Variants in FAM185A observed in about 807,000 individuals in gnomAD.
FAM185A encodes the protein protein FAM185A.
In FAM185A, 21 loss-of-function variants were observed where a neutral mutation model predicts 45.7. That is an observed-to-expected ratio of 0.46 (90% CI 0.33 to 0.66). The LOEUF (loss-of-function observed/expected upper bound fraction) is 0.66. Among genes scored for constraint, FAM185A ranks in the 30% least tolerant of loss-of-function variants. The pLI is 0.03. For synonymous variants in FAM185A, 117 were observed against 194.0 expected, an observed-to-expected ratio of 0.60 and a Z score of 3.30; for missense variants, 305 against 485.4, an observed-to-expected ratio of 0.63 and a Z score of 3.49.
chr7:102,834,102 G>GGAAGGAAGGA, the FAM185A span, among the ~76,000 whole-genome samples: 2 of 102,036 alleles, frequency 2.0e-5, no homozygotes, highest in Non-Finnish European at 1.9e-5. Flanking sequence ...AAGAAAGAAA[G>GGAAGGAAGGA]AAAGAAAGAA....
At chr7:102,845,240 C>T in the FAM185A span, among the ~76,000 whole-genome samples, 1 of 152,110 alleles carries the variant, frequency 6.6e-6, no homozygotes, top group African/African-American at 2.4e-5. Context: ...CAAGAACTCA[C>T]CAAGAGTCAC....
At chr7:102,752,639 T>C (rs1245329912) in intron 2 of FAM185A, among the ~76,000 whole-genome samples, 1 of 151,574 alleles carries the variant, frequency 6.6e-6, no homozygotes, top group East Asian at 1.9e-4. Flanking sequence ...TTGCCCAGGC[T>C]GGTCTTGCAC....
At chr7:102,811,211 CTA>C (rs61529497), downstream of FAM185A, among the ~76,000 whole-genome samples, 2,409 of 152,252 alleles carry the variant, frequency 0.016, 55 homozygotes, top group African/African-American at 0.055. Flanking sequence ...CAGCAGTCAA[CTA>C]TATTTAAAGC....
chr7:102,836,954 A>C, the FAM185A span, among the ~76,000 whole-genome samples: 1 of 152,220 alleles, frequency 6.6e-6, no homozygotes, highest in African/African-American at 2.4e-5. Context: ...AAAGTTGGGG[A>C]GTTTTTCCCT....
At chr7:102,761,459 A>G in intron 4 of FAM185A, 48 bp downstream of exon 4, 2 of 1,386,086 alleles carry the variant, frequency 1.4e-6, no homozygotes, top group South Asian at 1.8e-5. Flanking sequence ...ACATAGCATA[A>G]ATTTTAAGAG....
At chr7:102,845,302 G>A in the FAM185A span, among the ~76,000 whole-genome samples, 1 of 152,152 alleles carries the variant, frequency 6.6e-6, no homozygotes, top group South Asian at 2.1e-4. Context: ...TAGGAGTTCT[G>A]CATCAGGAAC....
At chr7:102,817,068 T>TA in the FAM185A span, among the ~76,000 whole-genome samples, 1 of 152,228 alleles carries the variant, frequency 6.6e-6, no homozygotes, top group East Asian at 1.9e-4. Context: ...GCAATAAACA[T>TA]ACAACTGCAG....
chr7:102,814,596 T>C, the FAM185A span, among the ~76,000 whole-genome samples: 1 of 152,224 alleles, frequency 6.6e-6, no homozygotes, highest in Non-Finnish European at 1.5e-5. Context: ...TCTAAGCACA[T>C]TGCTTTTTAG....
the FAM185A span, among the ~76,000 whole-genome samples, chr7:102,834,102 GAAAGAA>G: frequency 2.0e-5 from 2 of 101,992 alleles, no homozygotes; most frequent in Non-Finnish European, 1.9e-5. Flanking sequence ...AAGAAAGAAA[GAAAGAA>G]AGAAAGAAAG....
chr7:102,800,691 AAAAAG>A (rs1305963419), intron 7 of FAM185A, among the ~76,000 whole-genome samples: 2 of 152,134 alleles, frequency 1.3e-5, no homozygotes. Context: ...CCAACAAAGA[AAAAAG>A]AAGAAAATAT....
chr7:102,811,859 T>G (rs1797453971), downstream of FAM185A, among the ~76,000 whole-genome samples: 1 of 152,228 alleles, frequency 6.6e-6, no homozygotes, highest in South Asian at 2.1e-4. Context: ...TAGGAACCTT[T>G]CCACAGCTAA....
intron 7 of FAM185A, among the ~76,000 whole-genome samples, chr7:102,801,613 A>G (rs1405322461): frequency 6.6e-6 from 1 of 152,208 alleles, no homozygotes; most frequent in Admixed American, 6.5e-5. Flanking sequence ...CTAACTTGAA[A>G]GCAACAGCAG....
intron 7 of FAM185A, among the ~76,000 whole-genome samples, chr7:102,806,878 G>A (rs1166426987): frequency 6.6e-6 from 1 of 152,152 alleles, no homozygotes; most frequent in African/African-American, 2.4e-5. Flanking sequence ...CTTCTGAGCT[G>A]AGCTTCTGGG....
chr7:102,791,641 T>C (rs561028056), intron 7 of FAM185A, among the ~76,000 whole-genome samples: 1 of 152,290 alleles, frequency 6.6e-6, no homozygotes, highest in East Asian at 1.9e-4. Flanking sequence ...TTTTGCAGAG[T>C]AGCACAGACT....
chr7:102,808,225 T>G, intron 7 of FAM185A, 65 bp from the exon 8 acceptor site: 5 of 1,025,396 alleles, frequency 4.9e-6, no homozygotes, highest in Non-Finnish European at 7.4e-6. Flanking sequence ...TTCAGAGATG[T>G]GTTGCTAGGA....
At chr7:102,813,270 A>C, downstream of FAM185A, 2 of 1,370,280 alleles carry the variant, frequency 1.5e-6, no homozygotes, top group Non-Finnish European at 2.0e-6. Flanking sequence ...TCAGCTAGTA[A>C]ACATACTTGC....
At chr7:102,799,434 T>A (rs1160810870) in intron 7 of FAM185A, among the ~76,000 whole-genome samples, 1 of 152,162 alleles carries the variant, frequency 6.6e-6, no homozygotes, top group African/African-American at 2.4e-5. Flanking sequence ...ATAATTTGCA[T>A]CAGAAAAGCA....
At chr7:102,827,908 T>C in the FAM185A span, among the ~76,000 whole-genome samples, 52 of 152,320 alleles carry the variant, frequency 3.4e-4, no homozygotes, top group African/African-American at 1.2e-3. Flanking sequence ...TGCAGCATTA[T>C]TTCTGAGGGC....
the FAM185A span, among the ~76,000 whole-genome samples, chr7:102,848,510 T>C: frequency 2.2e-4 from 8 of 36,908 alleles, no homozygotes; most frequent in African/African-American, 1.4e-3. Context: ...GAGCCGAGAT[T>C]GCGCCACTGC....
Sources: allele counts gnomAD v4.1 joint callset (sites outside exome capture counted in the v4.1 genomes callset), GRCh38; gene constraint gnomAD v4.1.1; transcripts MANE v1.5; gene names NCBI Gene and HGNC (gene_info 2026-07-23, HGNC 2026-07-21).